The following PKM variants were observed in gnomAD, a reference collection of about 807,000 sequenced individuals.
PKM encodes pyruvate kinase PKM.
Under a neutral mutation model 49.8 loss-of-function variants are expected in PKM, and 18 were observed. The observed-to-expected ratio is 0.36, with a 90% CI of 0.25 to 0.54. The LOEUF (loss-of-function observed/expected upper bound fraction) is 0.54. Ranked by LOEUF, PKM falls within the 20% of genes least tolerant of loss-of-function variation. The pLI, the probability that PKM is intolerant of heterozygous loss-of-function variation, is 0.89. For synonymous variants in PKM, 239 were observed against 261.8 expected, an observed-to-expected ratio of 0.91 and a Z score of 0.84; for missense variants, 508 against 713.8, an observed-to-expected ratio of 0.71 and a Z score of 3.28.
At chr15:72,215,283 G>A (rs571040999) in intron 3 of PKM, among the ~76,000 whole-genome samples, 1 of 152,090 alleles carries the variant, frequency 6.6e-6, no homozygotes, top group Non-Finnish European at 1.5e-5. Context: ...TAATCTCAAC[G>A]TTCTGCTCAG....
rs1596713776 is a variant in PKM, at chr15:72,200,465, G to A, written c.1489+9C>T. 3 of 1,612,206 alleles carry A rather than the reference G, an allele frequency of 1.9e-6. No homozygotes were observed. Among genetic ancestry groups the A allele is most frequent in the Non-Finnish European group, 1.7e-6 (2 of 1,179,522 alleles). ...CCTCTAGGCTCTAGCCCCTGCTCCA[G>A]CCACGTACCAACATTCATGGCAAAG... On this transcript the variant is annotated intron_variant, in intron 10 of 10. Transcript: ENST00000335181. The surrounding 1 kb of genome is among the most constrained non-coding windows in gnomAD (Gnocchi z 4.6).
rs138966009 is a variant in PKM, at chr15:72,210,314, G to A, written c.378+33C>T. The stretch of plus-strand genomic sequence containing the variant: ...ATGTCTCTGGGGCATATTGCCTACT[G>A]AGCCTTCCCCTCGCTCTCCGCAGAA... On this transcript the variant is annotated intron_variant, in intron 4 of 10. Transcript: ENST00000335181. 3,471 of 1,609,934 alleles carry A rather than the reference G, an allele frequency of 2.2e-3. 15 individuals are homozygous for A. Among genetic ancestry groups the A allele is most frequent in the Non-Finnish European group, 2.3e-3 (2,727 of 1,177,134 alleles).
Position 72,226,820 on chromosome 15 carries a change from G to C in PKM, c.-14+4296C>G, listed in dbSNP as rs985931534. 2.6e-5 allele frequency among the ~76,000 whole-genome samples: 4 copies of C among 152,342 alleles called. No individual in the cohort carries two copies. In the South Asian group the frequency reaches 6.2e-4, roughly 24 times the overall value. Reference sequence around the variant, plus strand: ...AGGAGCTTTGTCTATGGACAGAAGTGGGGGAGGTGAGTCTCAGAGGCCACC... The same window carrying C: ...AGGAGCTTTGTCTATGGACAGAAGTCGGGGAGGTGAGTCTCAGAGGCCACC... On this transcript the variant is annotated intron_variant, in intron 1 of 10. Transcript: ENST00000335181.
intron 1 of PKM, among the ~76,000 whole-genome samples, chr15:72,224,199 G>C (rs1458112822): frequency 6.6e-6 from 1 of 152,222 alleles, no homozygotes; most frequent in African/African-American, 2.4e-5. Context: ...TTTGGGGGAA[G>C]CATTAGTTGT....
Position 72,199,543 on chromosome 15 carries a change from C to T in PKM, c.*107G>A. On this transcript the variant is annotated 3_prime_UTR_variant, in exon 11 of 11. Coordinates refer to ENST00000335181, the MANE Select transcript of PKM (RefSeq NM_002654.6). ...CTTCTTCCCTGGTGTCCCAACCTAC[C>T]AGTGCCACGTTACAGCCCAGAGTGA... The T allele has an allele frequency of 1.3e-6, 1 of 788,394 alleles. No homozygotes were observed. Among genetic ancestry groups the T allele is most frequent in the Non-Finnish European group, 2.2e-6 (1 of 445,706 alleles). 48.8% of individuals were successfully genotyped at this position (788,394 alleles called of 1,614,324 possible).
At chr15:72,225,823 A>G (rs2082652514) in intron 1 of PKM, among the ~76,000 whole-genome samples, 1 of 152,154 alleles carries the variant, frequency 6.6e-6, no homozygotes, top group Non-Finnish European at 1.5e-5. Context: ...CTTGTAGTAC[A>G]TGTCTCCCTG....
chr15:72,210,206 A>G, intron 4 of PKM, 141 bp downstream of exon 4: 2 of 877,834 alleles, frequency 2.3e-6, no homozygotes, highest in Non-Finnish European at 3.6e-6. Context: ...AGTGATGAAT[A>G]AATCCTCATT....
chr15:72,206,608 A>G, intron 8 of PKM, 120 bp downstream of exon 8: 2 of 953,694 alleles, frequency 2.1e-6, no homozygotes, highest in Non-Finnish European at 3.3e-6. Context: ...TGTAACTTGG[A>G]GGATAATGAA....
chr15:72,218,996 G>A lies in PKM; in HGVS notation c.102C>T (p.Asp34=). ...GGGCTGTGATGGGTGGTGAATCAAT[G>A]TCCAGGCGGCACATGTGCTCCAGGA... ...DTFLEHMCRL[D]IDSPPITARN... The change falls in exon 2 of 11, where the codon GAC becomes GAT. Residue 34 remains aspartate (D), a synonymous_variant. Coordinates refer to ENST00000335181, the MANE Select transcript of PKM (RefSeq NM_002654.6). The A allele has an allele frequency of 6.2e-7, 1 of 1,614,184 alleles. No homozygotes were observed. The highest frequency in any genetic ancestry group is 8.5e-7 in the Non-Finnish European group (1 of 1,180,038).
At chr15:72,203,265 C>T (rs1228327427) in intron 8 of PKM, 1 of 1,267,848 alleles carries the variant, frequency 7.9e-7, no homozygotes, top group Non-Finnish European at 1.1e-6. Context: ...CATGGGAAGA[C>T]AGAATGGGGA....
Position 72,221,329 on chromosome 15 carries a change from T to C in PKM, c.-13-2219A>G, listed in dbSNP as rs527446068. The C allele has an allele frequency of 7.5e-6, 9 of 1,200,928 alleles. No individual in the cohort carries two copies. In the East Asian group the frequency reaches 1.8e-4, roughly 24 times the overall value. The allele number at this position is 1,200,928 out of a possible 1,614,324, so 74.4% of individuals were successfully genotyped here. On this transcript the variant is annotated intron_variant, in intron 1 of 10. Transcript: ENST00000335181. ...AAAGCTGAGTGTAACTAAAGCTCTT[T>C]GGGGTAATGGAAAAATTACCTTAAT...
chr15:72,224,660 C>T (rs1009219379), intron 1 of PKM, among the ~76,000 whole-genome samples: 1 of 152,006 alleles, frequency 6.6e-6, no homozygotes, highest in Non-Finnish European at 1.5e-5. Flanking sequence ...GCTAAGAGTT[C>T]GAGACCAGCC....
rs2081865871 is a variant in PKM at position 72,199,203 on chromosome 15, G to GT, written c.*446dup. 2.8e-6 allele frequency: 1 copy of GT among 357,358 alleles called. No homozygotes were observed. The highest frequency in any genetic ancestry group is 5.5e-6 in the Non-Finnish European group (1 of 181,562). 22.1% of individuals were successfully genotyped at this position (357,358 alleles called of 1,614,324 possible). A position where few individuals can be genotyped will look rare whatever the true frequency, so the allele number is the denominator to read the frequency against. ...GAGGCCTAGAGAGCTAGAGAAGCAA[G>GT]TAAGGGCCAGGGCCAGAGTCGGCTT... is the stretch of plus-strand genomic sequence containing the variant. On this transcript the variant is annotated 3_prime_UTR_variant, in exon 11 of 11. Coordinates refer to ENST00000335181, the MANE Select transcript of PKM (RefSeq NM_002654.6).
chr15:72,204,250 G>A (rs755125435), intron 8 of PKM: 2 of 152,228 alleles, frequency 1.3e-5, no homozygotes, highest in African/African-American at 4.8e-5. Flanking sequence ...GGAACTGTTG[G>A]CCAGTGTTAA....
chr15:72,223,215 G>C (rs2082573452), intron 1 of PKM, among the ~76,000 whole-genome samples: 1 of 151,948 alleles, frequency 6.6e-6, no homozygotes, highest in Non-Finnish European at 1.5e-5. Flanking sequence ...CTGTTGTTGG[G>C]TTGTGCTGGG....
intron 6 of PKM, among the ~76,000 whole-genome samples, 164 bp downstream of exon 6, chr15:72,208,457 A>G (rs974383225): frequency 6.6e-6 from 1 of 152,002 alleles, no homozygotes; most frequent in South Asian, 2.1e-4. Flanking sequence ...ACAAAAAAAC[A>G]TAATGCCTTC....
At chr15:72,221,555 T>C (rs905512842) in intron 1 of PKM, among the ~76,000 whole-genome samples, 3 of 143,348 alleles carry the variant, frequency 2.1e-5, no homozygotes, top group Non-Finnish European at 4.5e-5. Context: ...ATTGGGGTGG[T>C]AGGATTACAG....
Position 72,210,368 on chromosome 15 carries a change from G to C in PKM, c.357C>G (p.Ile119Met), listed in dbSNP as rs979704493. The change falls in exon 4 of 11, where the codon ATC (isoleucine) becomes ATG (methionine). Residue 119 changes from isoleucine (I) to methionine (M), a missense_variant. Ile to Met is a conservative substitution (Grantham distance 10). Coordinates refer to ENST00000335181, the MANE Select transcript of PKM (RefSeq NM_002654.6). ...AVALDTKGPE[I>M]RTGLIKGSGT... The stretch of plus-strand genomic sequence containing the variant: ...TCACGCCCTTGATGAGCCCAGTTCG[G>C]ATCTCAGGTCCTTTAGTGTCTAGAG... 1 of 1,614,056 alleles carries C rather than the reference G, an allele frequency of 6.2e-7. No homozygotes were observed. Among genetic ancestry groups the C allele is most frequent in the African/African-American group, 1.3e-5 (1 of 74,912 alleles).
In PKM at chr15:72,199,532, T is replaced by C. The variant is rs762222704; in HGVS notation, c.*118A>G. 1 of 752,986 alleles carries C rather than the reference T, an allele frequency of 1.3e-6. No individual in the cohort carries two copies. Among genetic ancestry groups the C allele is most frequent in the Non-Finnish European group, 2.4e-6 (1 of 416,726 alleles). 46.6% of individuals were successfully genotyped at this position (752,986 alleles called of 1,614,324 possible). The stretch of plus-strand genomic sequence containing the variant: ...GAGGCGTTGATCTTCTTCCCTGGTG[T>C]CCCAACCTACCAGTGCCACGTTACA... On this transcript the variant is annotated 3_prime_UTR_variant, in exon 11 of 11. Coordinates refer to ENST00000335181, the MANE Select transcript of PKM (RefSeq NM_002654.6).
Sources: allele counts gnomAD v4.1 joint callset (sites outside exome capture counted in the v4.1 genomes callset), GRCh38; gene constraint gnomAD v4.1.1; non-coding constraint Gnocchi (gnomAD v3.1); transcripts MANE v1.5; gene names NCBI Gene and HGNC (gene_info 2026-07-23, HGNC 2026-07-21).